Variants in NRG1 observed in about 807,000 individuals in gnomAD.
The protein encoded by NRG1 is neuregulin 1.
Under a neutral mutation model 63.8 loss-of-function variants are expected in NRG1, and 18 were observed. That is an observed-to-expected ratio of 0.28 (90% confidence interval 0.19 to 0.42). NRG1 has a LOEUF of 0.42. Ranked by LOEUF, NRG1 falls within the 10% of genes least tolerant of loss-of-function variation. The probability of loss-of-function intolerance (pLI) is 1.00; values close to 1 mark genes in which losing one functional copy is unlikely to be tolerated. For synonymous variants in NRG1, 302 were observed against 301.3 expected (o/e 1.00, Z -0.02); for missense variants, 762 against 814.7 (o/e 0.94, Z 0.79).
chr8:32,428,584 T>G (rs1424431592), intron 1 of NRG1, among the ~76,000 whole-genome samples: 1 of 152,156 alleles, frequency 6.6e-6, no homozygotes, highest in Non-Finnish European at 1.5e-5. Flanking sequence ...AGGACACCCT[T>G]GGCCAAAAGA....
In NRG1 at chr8:31,856,259, A is replaced by G. The variant is rs375019197; in HGVS notation, c.37+216828A>G. 3.3e-5 allele frequency among the ~76,000 whole-genome samples: 5 copies of G among 151,498 alleles called. No individual in the cohort carries two copies. The East Asian group carries it at 7.8e-4, about 24-fold the overall frequency. On this transcript the variant is annotated intron_variant, in intron 1 of 10. Coordinates refer to the NRG1 transcript ENST00000519301. ...TCACTTTCAGGTACACCAATCAGAC[A>G]TAGATTTGGTCTTTTCACATAGTCC...
At chr8:32,715,084 G>C (rs761684153) in intron 5 of NRG1, among the ~76,000 whole-genome samples, 2 of 151,962 alleles carry the variant, frequency 1.3e-5, no homozygotes, top group Non-Finnish European at 2.9e-5. Flanking sequence ...AGTTTCCCAA[G>C]TAGCTGGGAC....
intron 1 of NRG1, among the ~76,000 whole-genome samples, chr8:31,865,093 T>C (rs1828833569): frequency 1.3e-5 from 2 of 152,118 alleles, no homozygotes; most frequent in Admixed American, 6.6e-5. Flanking sequence ...GCGTTTTCAG[T>C]TTGGGCATCT....
At chr8:32,415,882 C>T (rs1006225470) in intron 1 of NRG1, among the ~76,000 whole-genome samples, 1 of 152,178 alleles carries the variant, frequency 6.6e-6, no homozygotes, top group Non-Finnish European at 1.5e-5. Context: ...TGGACAGTCC[C>T]TTTGTACACA....
intron 1 of NRG1, among the ~76,000 whole-genome samples, chr8:31,667,723 T>G (rs1342343595): frequency 6.6e-6 from 1 of 152,190 alleles, no homozygotes; most frequent in African/African-American, 2.4e-5. Context: ...ATTGAGAATG[T>G]TACTTGGTAC....
rs1297735392 is a variant in NRG1 at position 32,503,792 on chromosome 8, G to C, written c.38-92036G>C. Among the ~76,000 whole-genome samples, 16 of 152,288 alleles carry C rather than the reference G, an allele frequency of 1.1e-4. 1 individual carries two copies. In the East Asian group the frequency reaches 2.5e-3, roughly 24 times the overall value. The stretch of plus-strand genomic sequence containing the variant: ...GAGTGAGAGACCGAGGCAAGTTTTA[G>C]AGCAGGAATGAAAGGAAGTAAAGTG... On this transcript the variant is annotated intron_variant, in intron 1 of 10. Coordinates refer to the NRG1 transcript ENST00000519301.
chr8:32,724,787 A>C (rs1447944272), intron 5 of NRG1, among the ~76,000 whole-genome samples: 2 of 152,194 alleles, frequency 1.3e-5, no homozygotes, highest in Non-Finnish European at 2.9e-5. Flanking sequence ...TAAAGGATAA[A>C]AGTGCTAAGC....
intron 1 of NRG1, among the ~76,000 whole-genome samples, chr8:31,909,458 G>T (rs1308369487): frequency 6.6e-6 from 1 of 152,116 alleles, no homozygotes; most frequent in South Asian, 2.1e-4. Context: ...GCCCAAGGAA[G>T]TTGTCTCCAT....
chr8:32,169,361 A>G (rs923027367), intron 1 of NRG1, among the ~76,000 whole-genome samples: 1 of 152,218 alleles, frequency 6.6e-6, no homozygotes, highest in South Asian at 2.1e-4. Flanking sequence ...GAGTAAAGGA[A>G]TGTTGAAAAC....
chr8:31,829,388 T>G (rs1824887474), intron 1 of NRG1, among the ~76,000 whole-genome samples: 1 of 152,190 alleles, frequency 6.6e-6, no homozygotes, highest in Non-Finnish European at 1.5e-5. Context: ...AAAAGTTATT[T>G]TGCACCTACC....
At chr8:32,180,490 ACTT>A (rs1221103833) in intron 1 of NRG1, among the ~76,000 whole-genome samples, 1 of 152,170 alleles carries the variant, frequency 6.6e-6, no homozygotes, top group African/African-American at 2.4e-5. Context: ...TAATAAATGA[ACTT>A]CTTTAGGTGC....
chr8:32,114,117 T>A (rs1832393983), intron 1 of NRG1, among the ~76,000 whole-genome samples: 1 of 152,236 alleles, frequency 6.6e-6, no homozygotes, highest in Admixed American at 6.5e-5. Context: ...AGCGTTTACT[T>A]ACATTTGTTT....
intron 1 of NRG1, among the ~76,000 whole-genome samples, chr8:32,537,968 C>T (rs372504040): frequency 6.6e-6 from 1 of 152,202 alleles, no homozygotes; most frequent in East Asian, 1.9e-4. Flanking sequence ...TCTCCTCCCT[C>T]AGCCTCCGGA....
At chr8:31,926,127 A>G (rs572590465) in intron 1 of NRG1, among the ~76,000 whole-genome samples, 59 of 152,328 alleles carry the variant, frequency 3.9e-4, no homozygotes, top group African/African-American at 1.0e-3. Context: ...TGATGCAGTT[A>G]GAAAGTGAGA....
At chr8:32,731,462 A>G (rs1040215854) in intron 6 of NRG1, among the ~76,000 whole-genome samples, 1 of 150,982 alleles carries the variant, frequency 6.6e-6, no homozygotes, top group African/African-American at 2.4e-5. Flanking sequence ...TTATTACTGG[A>G]TCTTATCAGA....
At chr8:32,457,955 G>A (rs1046804137) in intron 1 of NRG1, among the ~76,000 whole-genome samples, 1 of 151,396 alleles carries the variant, frequency 6.6e-6, no homozygotes, top group Admixed American at 6.6e-5. Context: ...GTCTCACTCT[G>A]TCACCAGGCT....
intron 5 of NRG1, among the ~76,000 whole-genome samples, chr8:32,659,473 A>G (rs1418516150): frequency 1.3e-5 from 2 of 152,122 alleles, no homozygotes; most frequent in African/African-American, 4.8e-5. Context: ...GACCTTGATC[A>G]TGCACCTAAT....
intron 1 of NRG1, among the ~76,000 whole-genome samples, chr8:32,518,558 T>TA (rs1668093202): frequency 6.6e-6 from 1 of 152,102 alleles, no homozygotes; most frequent in Non-Finnish European, 1.5e-5. Context: ...TGTGAAGATG[T>TA]AAAAAAGAGG....
At chr8:32,583,778 A>G (rs756933103) in intron 1 of NRG1, among the ~76,000 whole-genome samples, 4 of 152,230 alleles carry the variant, frequency 2.6e-5, no homozygotes, top group Admixed American at 6.5e-5. Flanking sequence ...ACTTTCATAC[A>G]TGATCTCATT....
Sources: gnomAD v4.1 joint callset for allele counts (sites outside exome capture counted in the v4.1 genomes callset) on GRCh38, gnomAD v4.1.1 for gene constraint, MANE v1.5 for transcripts, NCBI Gene and HGNC (gene_info 2026-07-23, HGNC 2026-07-21) for gene names.